The following PRKAR2B variants were observed in gnomAD, a reference collection of about 807,000 sequenced individuals.
PRKAR2B encodes cAMP-dependent protein kinase type II-beta regulatory subunit.
PRKAR2B carries 14 observed loss-of-function variants against 49.9 expected under a neutral mutation model. That is an observed-to-expected ratio of 0.28 (90% CI 0.19 to 0.44). The LOEUF is 0.44. Ranked by LOEUF, PRKAR2B falls within the 20% of genes least tolerant of loss-of-function variation. PRKAR2B has a pLI of 1.00. For missense variants in PRKAR2B, 393 were observed against 537.9 expected, an observed-to-expected ratio of 0.73 and a Z score of 2.67; for synonymous variants, 196 against 197.7, an observed-to-expected ratio of 0.99 and a Z score of 0.07.
chr7:107,071,985 CGTGAACCCGGAAGGCGGAGCTTGCA>C (rs1314058439), intron 2 of PRKAR2B, among the ~76,000 whole-genome samples: 3 of 151,468 alleles, frequency 2.0e-5, no homozygotes, highest in African/African-American at 7.3e-5. Flanking sequence ...AGGAGAATGG[CGTGAACCCGGAAGGCGGAGCTTGCA>C]GTGAGCCAAG....
chr7:107,106,753 A>G (rs1021490873), intron 2 of PRKAR2B, among the ~76,000 whole-genome samples: 3 of 152,030 alleles, frequency 2.0e-5, no homozygotes, highest in African/African-American at 7.2e-5. Context: ...TGGGGGTAGA[A>G]TCTTACACTG....
chr7:107,071,926 G>A (rs1035384529), intron 2 of PRKAR2B, among the ~76,000 whole-genome samples: 10 of 151,782 alleles, frequency 6.6e-5, no homozygotes, highest in African/African-American at 1.9e-4. Context: ...AAAATGAGCC[G>A]GGCGTGGTGG....
chr7:107,127,139 G>C (rs1400134227), intron 3 of PRKAR2B, among the ~76,000 whole-genome samples: 1 of 152,202 alleles, frequency 6.6e-6, no homozygotes, highest in Admixed American at 6.5e-5. Context: ...CCCATTGTGA[G>C]TTTTGATGTT....
At chr7:107,074,925 A>T (rs1794367392) in intron 2 of PRKAR2B, among the ~76,000 whole-genome samples, 1 of 152,150 alleles carries the variant, frequency 6.6e-6, no homozygotes, top group African/African-American at 2.4e-5. Flanking sequence ...TAATATATAG[A>T]AAAGATCCTA....
At chr7:107,133,503 T>C (rs1040091503) in intron 4 of PRKAR2B, 1 of 152,230 alleles carries the variant, frequency 6.6e-6, no homozygotes, top group African/African-American at 2.4e-5. Context: ...AGAATTTTGA[T>C]TGGTGACCAT....
chr7:107,125,215 G>T (rs191134035), intron 3 of PRKAR2B, among the ~76,000 whole-genome samples: 9 of 152,302 alleles, frequency 5.9e-5, no homozygotes, highest in Admixed American at 5.2e-4. Context: ...GGCCTGGCTG[G>T]CATGAATTCT....
chr7:107,160,733 C>T lies in PRKAR2B; in HGVS notation c.*1151C>T, dbSNP rs1046402262. On this transcript the variant is annotated 3_prime_UTR_variant, in exon 11 of 11. Transcript: ENST00000265717. ...TATAAAGACAAAATGAATTTCTGAC[C>T]TTACCATATATACCATTAGGCCTTG... The T allele has an allele frequency of 6.6e-6, 1 of 152,096 alleles. No individual in the cohort carries two copies. Among genetic ancestry groups the T allele is most frequent in the Non-Finnish European group, 1.5e-5 (1 of 68,010 alleles). 9.4% of individuals were successfully genotyped at this position (152,096 alleles called of 1,614,324 possible).
chr7:107,097,180 G>T (rs1324991841), intron 2 of PRKAR2B, among the ~76,000 whole-genome samples: 2 of 152,184 alleles, frequency 1.3e-5, no homozygotes, highest in Non-Finnish European at 1.5e-5. Flanking sequence ...CTTGCTTTAT[G>T]AATCTGGGTG....
At chr7:107,056,372 TG>T (rs1257017148) in intron 1 of PRKAR2B, among the ~76,000 whole-genome samples, 2 of 152,218 alleles carry the variant, frequency 1.3e-5, no homozygotes, top group Non-Finnish European at 2.9e-5. Flanking sequence ...GGTAGCTTGA[TG>T]GGGATGGCAT....
intron 2 of PRKAR2B, among the ~76,000 whole-genome samples, chr7:107,118,495 A>G (rs1352934390): frequency 6.6e-6 from 1 of 151,860 alleles, no homozygotes; most frequent in South Asian, 2.1e-4. Context: ...CAATGTGCCA[A>G]GTCAGTGCTA....
chr7:107,141,430 C>T (rs1442079627), intron 5 of PRKAR2B, among the ~76,000 whole-genome samples: 1 of 152,154 alleles, frequency 6.6e-6, no homozygotes, highest in African/African-American at 2.4e-5. Context: ...GCGGCTCAGG[C>T]CTGCAATCTC....
intron 2 of PRKAR2B, among the ~76,000 whole-genome samples, chr7:107,079,135 G>C (rs1458574065): frequency 6.6e-6 from 1 of 152,188 alleles, no homozygotes; most frequent in Non-Finnish European, 1.5e-5. Flanking sequence ...TAGATGTAGT[G>C]CAACCATTCT....
chr7:107,122,494 T>C (rs1795406502), intron 3 of PRKAR2B, among the ~76,000 whole-genome samples: 1 of 152,184 alleles, frequency 6.6e-6, no homozygotes, highest in South Asian at 2.1e-4. Context: ...TGTAAGAATT[T>C]GTCCACTGTG....
intron 1 of PRKAR2B, among the ~76,000 whole-genome samples, chr7:107,069,312 G>A (rs780547561): frequency 6.6e-6 from 1 of 152,120 alleles, no homozygotes; most frequent in African/African-American, 2.4e-5. Context: ...TATAGTACTT[G>A]TTCCTGTGCA....
Position 107,159,795 on chromosome 7 carries a change from C to T in PRKAR2B, c.*213C>T, listed in dbSNP as rs1796165291. On this transcript the variant is annotated 3_prime_UTR_variant, in exon 11 of 11. Coordinates refer to ENST00000265717, the MANE Select transcript of PRKAR2B (RefSeq NM_002736.3). ...AGTAGTTCATAAAAAAATCAACATA[C>T]TGATAAAATGACTTTGTACTCCACA... 1 of 455,182 alleles carries T rather than the reference C, an allele frequency of 2.2e-6. No homozygotes were observed. Among genetic ancestry groups the T allele is most frequent in the Admixed American group, 3.8e-5 (1 of 26,160 alleles). 28.2% of individuals were successfully genotyped at this position (455,182 alleles called of 1,614,324 possible). A position where few individuals can be genotyped will look rare whatever the true frequency, so the allele number is the denominator to read the frequency against.
intron 2 of PRKAR2B, among the ~76,000 whole-genome samples, chr7:107,095,691 T>G (rs1794824431): frequency 6.6e-6 from 1 of 152,238 alleles, no homozygotes; most frequent in African/African-American, 2.4e-5. Flanking sequence ...GTACCTAGTT[T>G]ATTGAGAGTT....
chr7:107,147,242 C>T (rs995427762), intron 6 of PRKAR2B, among the ~76,000 whole-genome samples: 1 of 152,072 alleles, frequency 6.6e-6, no homozygotes, highest in Admixed American at 6.5e-5. Flanking sequence ...ACCCGGGAGG[C>T]GGAGCTTGCA....
intron 2 of PRKAR2B, among the ~76,000 whole-genome samples, chr7:107,093,082 T>C (rs1159229945): frequency 1.3e-5 from 2 of 152,236 alleles, no homozygotes; most frequent in Non-Finnish European, 2.9e-5. Flanking sequence ...TATAATTTTC[T>C]ATTATATGTA....
chr7:107,055,721 T>C (rs1410079900), intron 1 of PRKAR2B, among the ~76,000 whole-genome samples: 1 of 152,226 alleles, frequency 6.6e-6, no homozygotes, highest in Non-Finnish European at 1.5e-5. Context: ...TAGCCCTTTG[T>C]CAGATGAGTA....
Sources: gnomAD v4.1 joint callset for allele counts (sites outside exome capture counted in the v4.1 genomes callset) on GRCh38, gnomAD v4.1.1 for gene constraint, MANE v1.5 for transcripts, NCBI Gene and HGNC (gene_info 2026-07-23, HGNC 2026-07-21) for gene names.